ADGRV1: variants seen among roughly 807,000 people sequenced by gnomAD.
ADGRV1 encodes the protein G-protein coupled receptor 98.
Under a neutral mutation model 596.2 loss-of-function variants are expected in ADGRV1, and 359 were observed. The ratio of observed to expected loss-of-function variants is 0.60; its 90% confidence interval spans 0.55 to 0.66. ADGRV1 has a LOEUF of 0.66. ADGRV1 is among the 30% of genes least tolerant of loss of function. ADGRV1 has a pLI of 0.00. For missense variants in ADGRV1, 7,274 were observed against 7,575.6 expected, an observed-to-expected ratio of 0.96 and a Z score of 1.48; for synonymous variants, 2,681 against 2,679.2, an observed-to-expected ratio of 1.00 and a Z score of -0.02.
At chr5:90,662,843 T>A (rs1770600120) in intron 21 of ADGRV1, among the ~76,000 whole-genome samples, 1 of 152,030 alleles carries the variant, frequency 6.6e-6, no homozygotes, top group South Asian at 2.1e-4. Context: ...TTCCCACCTA[T>A]GAGTGAGAAT....
intron 87 of ADGRV1, among the ~76,000 whole-genome samples, chr5:91,146,357 G>A (rs1795531138): frequency 6.6e-6 from 1 of 152,138 alleles, no homozygotes; most frequent in African/African-American, 2.4e-5. Context: ...CAGTGTAGGC[G>A]ATGTCAGGAA....
At chr5:90,752,095 CT>C (rs1471480909) in intron 53 of ADGRV1, among the ~76,000 whole-genome samples, 1 of 152,116 alleles carries the variant, frequency 6.6e-6, no homozygotes, top group Non-Finnish European at 1.5e-5. Flanking sequence ...CATTTGGTCT[CT>C]TTCACTACTG....
chr5:90,888,069 C>T (rs982917738), intron 83 of ADGRV1, among the ~76,000 whole-genome samples: 2 of 152,026 alleles, frequency 1.3e-5, no homozygotes, highest in Non-Finnish European at 2.9e-5. Flanking sequence ...TGTTGTGTGT[C>T]CCAAATTTCA....
chr5:90,584,560 C>G (rs547921106), intron 1 of ADGRV1, among the ~76,000 whole-genome samples: 1 of 152,292 alleles, frequency 6.6e-6, no homozygotes, highest in Admixed American at 6.5e-5. Flanking sequence ...GGCAGCCCAC[C>G]TGGGGCTGGA....
chr5:90,827,335 T>C (rs915301370), intron 76 of ADGRV1, among the ~76,000 whole-genome samples: 1 of 152,174 alleles, frequency 6.6e-6, no homozygotes, highest in Admixed American at 6.5e-5. Context: ...AGAAATATTG[T>C]TTCAATAGAG....
chr5:90,590,296 G>A lies in ADGRV1; in HGVS notation c.23-24539G>A, dbSNP rs560631131. On this transcript the variant is annotated intron_variant, in intron 1 of 89. Coordinates refer to ENST00000405460, the MANE Select transcript of ADGRV1 (RefSeq NM_032119.4). ...TAGCTGGGCTCTTCTTCCTTGGGGT[G>A]CATCATAGTTGCAGCTCGATAACGG... Among the ~76,000 whole-genome samples, 12 of 152,306 alleles carry A rather than the reference G, an allele frequency of 7.9e-5. No individual in the cohort carries two copies. In the South Asian group the frequency reaches 2.5e-3, roughly 32 times the overall value.
At chr5:90,585,527 T>C (rs250367) in intron 1 of ADGRV1, among the ~76,000 whole-genome samples, 29,736 of 152,110 alleles carry the variant, frequency 0.2, 3,136 homozygotes, top group East Asian at 0.41. Flanking sequence ...GCAGGGCAAA[T>C]GGAAGTGAGC....
chr5:90,800,934 A>T (rs2150180221), intron 70 of ADGRV1, among the ~76,000 whole-genome samples: 1 of 151,920 alleles, frequency 6.6e-6, no homozygotes, highest in Non-Finnish European at 1.5e-5. Flanking sequence ...GGTGGGCACT[A>T]GGGGAGGGGT....
chr5:90,786,014 A>G (rs1006423833), intron 67 of ADGRV1, among the ~76,000 whole-genome samples: 10 of 152,204 alleles, frequency 6.6e-5, no homozygotes, highest in South Asian at 2.1e-4. Flanking sequence ...ATGTCCATCA[A>G]TGATAGACTG....
intron 87 of ADGRV1, among the ~76,000 whole-genome samples, chr5:91,119,229 A>T (rs1793103433): frequency 6.6e-6 from 1 of 152,198 alleles, no homozygotes; most frequent in South Asian, 2.1e-4. Flanking sequence ...AAACACCCAG[A>T]TTTGTGCCAT....
intron 83 of ADGRV1, among the ~76,000 whole-genome samples, chr5:90,933,021 G>A (rs923809792): frequency 1.3e-5 from 2 of 152,148 alleles, no homozygotes; most frequent in African/African-American, 4.8e-5. Flanking sequence ...ATCACTCTCT[G>A]AAGACTTTTA....
Position 90,627,392 on chromosome 5 carries a change from G to C in ADGRV1, c.854G>C (p.Arg285Pro), listed in dbSNP as rs397517439. 6.2e-7 allele frequency: 1 copy of C among 1,613,842 alleles called. No homozygotes were observed. Among genetic ancestry groups the C allele is most frequent in the East Asian group, 2.2e-5 (1 of 44,858 alleles). ...EDHILIIPVVRGKDNNGNLIG... is the reference protein window; with the variant it reads ...EDHILIIPVVPGKDNNGNLIG... ...CACATACTCATAATTCCAGTAGTTC[G>C]TGGAAAGGACAACAATGGAAATCTG... The change falls in exon 7 of 90, where the codon CGT (arginine) becomes CCT (proline). Residue 285 changes from arginine to proline, a missense_variant. This residue lies in a region of ADGRV1 where 1,715 missense variants were observed against 1,708.8 expected (regional missense o/e 1.00). Transcript: ENST00000405460.
chr5:90,908,073 A>T (rs1772488305), intron 83 of ADGRV1, among the ~76,000 whole-genome samples: 1 of 151,950 alleles, frequency 6.6e-6, no homozygotes, highest in Non-Finnish European at 1.5e-5. Context: ...CTGGTCTCGA[A>T]CTCCCGACCT....
At chr5:91,083,162 G>A (rs941375025) in intron 86 of ADGRV1, among the ~76,000 whole-genome samples, 3 of 148,562 alleles carry the variant, frequency 2.0e-5, no homozygotes, top group African/African-American at 5.0e-5. Flanking sequence ...AACACCGCAT[G>A]TTCTCACTCA....
At chr5:91,115,136 ATTGTTC>A (rs1792739292) in intron 87 of ADGRV1, among the ~76,000 whole-genome samples, 1 of 151,872 alleles carries the variant, frequency 6.6e-6, no homozygotes, top group South Asian at 2.1e-4. Context: ...TCATTTTGTT[ATTGTTC>A]TTGTTCTTGT....
chr5:91,033,595 G>T, intron 85 of ADGRV1, among the ~76,000 whole-genome samples: 1 of 152,156 alleles, frequency 6.6e-6, no homozygotes, highest in African/African-American at 2.4e-5. Context: ...ATTCAGTCCT[G>T]GCAATGTGCA....
chr5:91,150,195 C>G lies in ADGRV1; in HGVS notation c.18598C>G (p.Gln6200Glu). The G allele has an allele frequency of 2.5e-6, 4 of 1,590,216 alleles. No individual in the cohort carries two copies. The highest frequency in any genetic ancestry group is 3.4e-6 in the Non-Finnish European group (4 of 1,168,978). ...TGGAGGGGAAATCAGCAAGTCCACC[C>G]AGAATCTCATCGGTGCTATGGAGGA... ...PAGGEISKSTQNLIGAMEEVP... is the reference protein window; with the variant it reads ...PAGGEISKSTENLIGAMEEVP... Residue 6200 changes from glutamine (Q) to glutamate (E), a missense_variant, in exon 88 of 90, where the codon CAG (glutamine) becomes GAG (glutamate). Physicochemically the swap from Gln to Glu is conservative, Grantham distance 29. Coordinates refer to ENST00000405460, the MANE Select transcript of ADGRV1 (RefSeq NM_032119.4).
chr5:90,962,176 T>A (rs2150956885), intron 83 of ADGRV1, among the ~76,000 whole-genome samples: 1 of 152,300 alleles, frequency 6.6e-6, no homozygotes. Flanking sequence ...ATACAAACAA[T>A]AATAGTTTCA....
At chr5:91,135,086 C>T (rs1794521298) in intron 87 of ADGRV1, among the ~76,000 whole-genome samples, 1 of 149,678 alleles carries the variant, frequency 6.7e-6, no homozygotes, top group South Asian at 2.1e-4. Flanking sequence ...GAGGCTGAGG[C>T]AGGAGAATCG....
Sources: gnomAD v4.1 joint callset for allele counts (sites outside exome capture counted in the v4.1 genomes callset) on GRCh38, gnomAD v4.1.1 for gene constraint, gnomAD v4.1.1 regional missense constraint, MANE v1.5 for transcripts, NCBI Gene and HGNC (gene_info 2026-07-23, HGNC 2026-07-21) for gene names.